The following PARVA variants were observed in gnomAD, a reference collection of about 807,000 sequenced individuals.
PARVA encodes the protein alpha-parvin.
A neutral mutation model predicts 52.6 loss-of-function variants in PARVA; 25 were observed. The ratio of observed to expected loss-of-function variants is 0.48; its 90% CI spans 0.35 to 0.66. The LOEUF (loss-of-function observed/expected upper bound fraction) is 0.66, where lower values mean the gene tolerates loss of function less well. Ranked by LOEUF, PARVA falls within the 30% of genes least tolerant of loss-of-function variation. PARVA has a pLI of 0.01. For synonymous variants in PARVA, 185 were observed against 179.1 expected (o/e 1.03, Z -0.26); for missense variants, 373 against 450.9 (o/e 0.83, Z 1.56).
Position 12,406,661 on chromosome 11 carries a change from G to GTTTTTTTTTTTTTTTTTT in PARVA, c.136+28888_136+28905dup, listed in dbSNP as rs571973101. Among the ~76,000 whole-genome samples the GTTTTTTTTTTTTTTTTTT allele has an allele frequency of 6.3e-4, 49 of 77,792 alleles. 4 individuals are homozygous for GTTTTTTTTTTTTTTTTTT. The highest frequency in any genetic ancestry group is 1.2e-3 in the African/African-American group (23 of 18,486). 51.0% of individuals were successfully genotyped at this position (77,792 alleles called of 152,430 possible). ...ATTGTTAGCTATTTAGGTTGTATCT[G>GTTTTTTTTTTTTTTTTTT]TTTTTTTTTTTTTTTTTTTTTTTTT... On this transcript the variant is annotated intron_variant, in intron 1 of 12. Coordinates refer to ENST00000334956, the MANE Select transcript of PARVA (RefSeq NM_018222.5).
At chr11:12,418,548 G>C (rs532568855) in intron 1 of PARVA, among the ~76,000 whole-genome samples, 1 of 152,154 alleles carries the variant, frequency 6.6e-6, no homozygotes, top group Non-Finnish European at 1.5e-5. Context: ...GCTTCTCAGC[G>C]TGCCTGCCAC....
intron 7 of PARVA, 164 bp downstream of exon 7, chr11:12,508,806 C>A: frequency 1.6e-6 from 1 of 641,232 alleles, no homozygotes; most frequent in Non-Finnish European, 2.7e-6. Context: ...TCAAAACATG[C>A]CTCTCAATGC....
intron 10 of PARVA, among the ~76,000 whole-genome samples, chr11:12,514,689 G>A (rs1240617394): frequency 2.0e-5 from 3 of 152,184 alleles, no homozygotes; most frequent in Non-Finnish European, 4.4e-5. Context: ...GTTTCACCAT[G>A]TTGGTCAGGC....
At chr11:12,516,121 G>T (rs973241512) in intron 10 of PARVA, among the ~76,000 whole-genome samples, 2 of 152,240 alleles carry the variant, frequency 1.3e-5, no homozygotes, top group Non-Finnish European at 2.9e-5. Context: ...TTACAGGCAT[G>T]AGCCACCGCA....
At chr11:12,493,031 A>G (rs903286934) in intron 4 of PARVA, among the ~76,000 whole-genome samples, 6 of 152,164 alleles carry the variant, frequency 3.9e-5, no homozygotes, top group African/African-American at 1.4e-4. Context: ...TAGCAAAAAT[A>G]TATATATACT....
At chr11:12,466,146 G>T (rs1940851460) in intron 1 of PARVA, among the ~76,000 whole-genome samples, 1 of 152,076 alleles carries the variant, frequency 6.6e-6, no homozygotes, top group African/African-American at 2.4e-5. Flanking sequence ...ATCTTCTCTG[G>T]TGATATGCTT....
chr11:12,515,039 A>G (rs1190549918), intron 10 of PARVA, among the ~76,000 whole-genome samples: 1 of 152,206 alleles, frequency 6.6e-6, no homozygotes. Flanking sequence ...CATTAACAGC[A>G]CGTCCCAAGT....
chr11:12,438,017 T>A (rs1228442495), intron 1 of PARVA, among the ~76,000 whole-genome samples: 2 of 152,032 alleles, frequency 1.3e-5, no homozygotes, highest in East Asian at 3.9e-4. Context: ...TCCCAGCACT[T>A]TGGGAGGCCG....
chr11:12,419,484 A>ATG (rs2134982775), intron 1 of PARVA, among the ~76,000 whole-genome samples: 1 of 152,316 alleles, frequency 6.6e-6, no homozygotes, highest in South Asian at 2.1e-4. Context: ...ATTCCATTGT[A>ATG]TGTGTATACC....
At chr11:12,458,174 C>T (rs1249552997) in intron 1 of PARVA, among the ~76,000 whole-genome samples, 9 of 152,336 alleles carry the variant, frequency 5.9e-5, no homozygotes, top group African/African-American at 1.4e-4. Context: ...ATTAACATGA[C>T]GCACAAGCTC....
At chr11:12,489,568 A>G (rs1941204940) in intron 4 of PARVA, among the ~76,000 whole-genome samples, 1 of 152,194 alleles carries the variant, frequency 6.6e-6, no homozygotes, top group African/African-American at 2.4e-5. Context: ...GTAAATATTT[A>G]AAGAAAACAT....
chr11:12,462,552 C>T (rs993746964), intron 1 of PARVA, among the ~76,000 whole-genome samples: 2 of 152,128 alleles, frequency 1.3e-5, no homozygotes, highest in Non-Finnish European at 2.9e-5. Context: ...CCAGTGAGAC[C>T]CATGTTGGTC....
In PARVA at chr11:12,532,895, A is replaced by G. The variant is rs1247415845; in HGVS notation, c.*4970A>G. The stretch of plus-strand genomic sequence containing the variant: ...GAGTGCTGATTTTTCTCCTTTGAAA[A>G]ACAGGTTGCCATCTACCTTTTTAAA... On this transcript the variant is annotated 3_prime_UTR_variant, in exon 13 of 13. Transcript: ENST00000334956. Among the ~76,000 whole-genome samples, 1 of 152,166 alleles carries G rather than the reference A, an allele frequency of 6.6e-6. No homozygotes were observed. The highest frequency in any genetic ancestry group is 1.5e-5 in the Non-Finnish European group (1 of 68,042).
chr11:12,512,602 A>G (rs969473263), intron 8 of PARVA, among the ~76,000 whole-genome samples: 4 of 152,222 alleles, frequency 2.6e-5, no homozygotes, highest in African/African-American at 9.7e-5. Flanking sequence ...TATGATCCTG[A>G]TATTTACTGT....
intron 4 of PARVA, among the ~76,000 whole-genome samples, chr11:12,483,816 G>A (rs1941121639): frequency 6.6e-6 from 1 of 152,164 alleles, no homozygotes; most frequent in Non-Finnish European, 1.5e-5. Context: ...AGCAACGCTG[G>A]CCTGCCTCTT....
chr11:12,391,713 C>T (rs561496458), intron 1 of PARVA, among the ~76,000 whole-genome samples: 6 of 152,312 alleles, frequency 3.9e-5, no homozygotes, highest in African/African-American at 1.4e-4. Context: ...TTGTCACTTG[C>T]ACACAGAAAT....
chr11:12,513,570 C>T (rs1334277572), intron 9 of PARVA: 2 of 690,438 alleles, frequency 2.9e-6, no homozygotes. Context: ...TCAGCATGAA[C>T]AGCCTGTCTT....
chr11:12,378,834 C>T (rs143005051), intron 1 of PARVA, among the ~76,000 whole-genome samples: 1 of 152,076 alleles, frequency 6.6e-6, no homozygotes, highest in Non-Finnish European at 1.5e-5. Flanking sequence ...TCAAATTGCA[C>T]AGGAAAGGGG....
intron 4 of PARVA, among the ~76,000 whole-genome samples, chr11:12,492,321 C>T (rs1233179070): frequency 6.6e-6 from 1 of 152,074 alleles, no homozygotes; most frequent in East Asian, 1.9e-4. Context: ...AAATCACATC[C>T]TATCAATTTC....
Sources: allele counts gnomAD v4.1 joint callset (sites outside exome capture counted in the v4.1 genomes callset), GRCh38; gene constraint gnomAD v4.1.1; transcripts MANE v1.5; gene names NCBI Gene and HGNC (gene_info 2026-07-23, HGNC 2026-07-21).